The following IL23R variants were observed in gnomAD, a reference collection of about 807,000 sequenced individuals.
IL23R encodes interleukin-23 receptor.
IL23R carries 34 observed loss-of-function variants against 56.9 expected under a neutral mutation model. That is an observed-to-expected ratio of 0.60 (90% CI 0.45 to 0.80). The LOEUF is 0.80. IL23R is among the 30% of genes least tolerant of loss of function. The probability of loss-of-function intolerance (pLI) is 0.00; values close to 1 mark genes in which losing one functional copy is unlikely to be tolerated. For missense variants in IL23R, 635 were observed against 730.0 expected, an observed-to-expected ratio of 0.87 and a Z score of 1.50; for synonymous variants, 230 against 249.2, an observed-to-expected ratio of 0.92 and a Z score of 0.73.
At chr1:67,171,255 A>AT (rs375988045) in intron 3 of IL23R, among the ~76,000 whole-genome samples, 5 of 152,356 alleles carry the variant, frequency 3.3e-5, no homozygotes, top group Non-Finnish European at 5.9e-5. Context: ...AGGAAAAAAA[A>AT]GGAAGCAAAA....
intron 5 of IL23R, among the ~76,000 whole-genome samples, chr1:67,203,852 C>A (rs1648807071): frequency 6.6e-6 from 1 of 152,260 alleles, no homozygotes; most frequent in South Asian, 2.1e-4. Flanking sequence ...GCCAAAAAAG[C>A]ATATGAGAGG....
chr1:67,156,613 G>C (rs1646772073), intron 1 of IL23R, among the ~76,000 whole-genome samples: 1 of 152,200 alleles, frequency 6.6e-6, no homozygotes, highest in Non-Finnish European at 1.5e-5. Context: ...AGGGCTGTTA[G>C]GGGAAAACCG....
chr1:67,217,828 C>A (rs555325373), intron 6 of IL23R, among the ~76,000 whole-genome samples: 1 of 151,756 alleles, frequency 6.6e-6, no homozygotes, highest in East Asian at 1.9e-4. Flanking sequence ...CAGTGCATTG[C>A]AAGTTTTAAG....
chr1:67,261,818 A>G (rs982196574), downstream of IL23R, among the ~76,000 whole-genome samples: 4 of 152,232 alleles, frequency 2.6e-5, no homozygotes, highest in Non-Finnish European at 5.9e-5. Flanking sequence ...TTAAAGGATT[A>G]CAGCATTGTT....
intron 1 of IL23R, among the ~76,000 whole-genome samples, chr1:67,154,357 T>A (rs1384142658): frequency 2.0e-5 from 3 of 152,120 alleles, no homozygotes; most frequent in Non-Finnish European, 4.4e-5. Context: ...GACAGTGGGG[T>A]GTTAAAGTCT....
At chr1:67,220,230 A>G (rs1437321968) in intron 7 of IL23R, among the ~76,000 whole-genome samples, 2 of 152,022 alleles carry the variant, frequency 1.3e-5, no homozygotes, top group African/African-American at 4.8e-5. Context: ...TTAGCTGGGC[A>G]TGGTGGCAGG....
At chr1:67,148,180 A>G (rs1400685200) in intron 1 of IL23R, among the ~76,000 whole-genome samples, 2 of 152,242 alleles carry the variant, frequency 1.3e-5, no homozygotes, top group Non-Finnish European at 2.9e-5. Context: ...CGCAGTGTAC[A>G]CCCTGCCGGA....
chr1:67,197,422 C>T (rs1432666943), intron 4 of IL23R, among the ~76,000 whole-genome samples: 1 of 152,140 alleles, frequency 6.6e-6, no homozygotes, highest in East Asian at 1.9e-4. Context: ...AGCTTAAGAA[C>T]ATGAAATAAT....
At chr1:67,167,363 G>A (rs749644393) in intron 1 of IL23R, among the ~76,000 whole-genome samples, 8 of 152,182 alleles carry the variant, frequency 5.3e-5, no homozygotes, top group Non-Finnish European at 8.8e-5. Flanking sequence ...GAGCCACCAC[G>A]CCTCCCCAGA....
chr1:67,250,179 T>G (rs1252727014), intron 9 of IL23R, among the ~76,000 whole-genome samples: 1 of 152,240 alleles, frequency 6.6e-6, no homozygotes, highest in Non-Finnish European at 1.5e-5. Context: ...AAATCTATTT[T>G]CAGTAGTCTG....
intron 5 of IL23R, among the ~76,000 whole-genome samples, chr1:67,202,352 C>T (rs962642871): frequency 1.3e-5 from 2 of 152,138 alleles, no homozygotes; most frequent in African/African-American, 4.8e-5. Flanking sequence ...CAGGTGTGTG[C>T]CACCATGCCC....
chr1:67,200,607 A>C, intron 4 of IL23R, 130 bp from the exon 5 acceptor site: 2 of 778,218 alleles, frequency 2.6e-6, no homozygotes, highest in Non-Finnish European at 4.3e-6. Flanking sequence ...CTGGTCTCGA[A>C]CTCCTGACCT....
At chr1:67,198,941 T>G (rs1648390542) in intron 4 of IL23R, among the ~76,000 whole-genome samples, 2 of 152,106 alleles carry the variant, frequency 1.3e-5, no homozygotes, top group Admixed American at 1.3e-4. Flanking sequence ...CCAGACCCTG[T>G]CTCAAAATCC....
chr1:67,180,108 G>A (rs879054881), intron 3 of IL23R, among the ~76,000 whole-genome samples: 9 of 152,184 alleles, frequency 5.9e-5, no homozygotes, highest in African/African-American at 1.2e-4. Context: ...ATTTAGGGTG[G>A]AGAGTTCTGT....
At chr1:67,234,710 T>TTTC (rs1651348850) in intron 7 of IL23R, among the ~76,000 whole-genome samples, 1 of 144,606 alleles carries the variant, frequency 6.9e-6, no homozygotes, top group Admixed American at 6.8e-5. Flanking sequence ...TTTTACTCTT[T>TTTC]TTTTTTTTTT....
intron 7 of IL23R, among the ~76,000 whole-genome samples, chr1:67,228,049 CTTTCTTTCTT>C (rs1260575020): frequency 5.7e-5 from 6 of 104,556 alleles, no homozygotes; most frequent in Admixed American, 1.2e-4. Flanking sequence ...CTTTCTCTTT[CTTTCTTTCTT>C]TCTCTGTCTC....
At chr1:67,238,310 G>C (rs887664323) in intron 8 of IL23R, among the ~76,000 whole-genome samples, 53 of 146,560 alleles carry the variant, frequency 3.6e-4, no homozygotes, top group African/African-American at 1.3e-3. Flanking sequence ...CTGCATTCCC[G>C]CCTGGGCAAC....
At chr1:67,156,756 G>T (rs1382121233) in intron 1 of IL23R, among the ~76,000 whole-genome samples, 3 of 152,220 alleles carry the variant, frequency 2.0e-5, no homozygotes, top group Non-Finnish European at 4.4e-5. Flanking sequence ...CTCCATGGAA[G>T]TGGGACCTGC....
chr1:67,246,794 T>C (rs145367048), intron 9 of IL23R, among the ~76,000 whole-genome samples: 17,859 of 152,198 alleles, frequency 0.12, 1,579 homozygotes, highest in Admixed American at 0.27. Context: ...TTCTGTTGAT[T>C]TGGGGTGGAC....
Sources: gnomAD v4.1 joint callset for allele counts (sites outside exome capture counted in the v4.1 genomes callset) on GRCh38, gnomAD v4.1.1 for gene constraint, MANE v1.5 for transcripts, NCBI Gene and HGNC (gene_info 2026-07-23, HGNC 2026-07-21) for gene names.